PDE4D: variants seen among roughly 807,000 people sequenced by gnomAD.
PDE4D encodes the protein phosphodiesterase 4D.
PDE4D carries 24 observed loss-of-function variants against 87.4 expected under a neutral mutation model. The observed-to-expected ratio is 0.27, with a 90% CI of 0.20 to 0.39. The LOEUF (loss-of-function observed/expected upper bound fraction) is 0.39, where lower values mean the gene tolerates loss of function less well. Ranked by LOEUF, PDE4D falls within the 10% of genes least tolerant of loss-of-function variation. PDE4D has a pLI of 1.00. For synonymous variants in PDE4D, 384 were observed against 383.2 expected (o/e 1.00, Z -0.02); for missense variants, 714 against 1,041.0 (o/e 0.69, Z 4.32).
rs1341651895 is a variant in PDE4D at position 60,518,954 on chromosome 5, C to T, written n.70+3097G>A. Among the ~76,000 whole-genome samples the T allele has an allele frequency of 3.9e-5, 6 of 152,262 alleles. No homozygotes were observed. The South Asian group carries it at 1.0e-3, about 26-fold the overall frequency. ...GCATCCACAGTCACTGGGGAGAAAA[C>T]GTCATCAAAACCCCAAAGCCCAGTG... On this transcript the variant is annotated intron_variant and non_coding_transcript_variant, in intron 1 of 2. Coordinates refer to the PDE4D transcript ENST00000506510.
chr5:60,389,718 G>A (rs1408839948), intron 1 of PDE4D, among the ~76,000 whole-genome samples: 1 of 152,076 alleles, frequency 6.6e-6, no homozygotes, highest in African/African-American at 2.4e-5. Flanking sequence ...CTTTCTATGG[G>A]CTTCTTCACA....
At chr5:60,423,654 C>T (rs1010051635) in intron 1 of PDE4D, among the ~76,000 whole-genome samples, 5 of 151,938 alleles carry the variant, frequency 3.3e-5, no homozygotes, top group African/African-American at 9.7e-5. Context: ...CAAGAGCAAA[C>T]AAATTCAAAA....
chr5:59,882,640 G>A (rs1346631155), intron 1 of PDE4D, among the ~76,000 whole-genome samples: 1 of 151,956 alleles, frequency 6.6e-6, no homozygotes, highest in Non-Finnish European at 1.5e-5. Flanking sequence ...ATTTAATGGG[G>A]CTACATTTTG....
At chr5:59,559,232 G>A (rs1015426306) in intron 1 of PDE4D, among the ~76,000 whole-genome samples, 3 of 152,092 alleles carry the variant, frequency 2.0e-5, no homozygotes, top group Admixed American at 6.6e-5. Context: ...TGCCTTTTGA[G>A]CAAAAATATT....
intron 1 of PDE4D, among the ~76,000 whole-genome samples, chr5:59,757,102 C>T (rs1433138380): frequency 6.6e-6 from 1 of 152,036 alleles, no homozygotes; most frequent in Non-Finnish European, 1.5e-5. Context: ...CCGGCCGGTT[C>T]TTACTTTTTA....
At chr5:59,444,016 T>C (rs1209456370) in intron 1 of PDE4D, among the ~76,000 whole-genome samples, 3 of 152,310 alleles carry the variant, frequency 2.0e-5, no homozygotes, top group East Asian at 1.9e-4. Context: ...CATTAAACTA[T>C]TGAGATCAAA....
At chr5:59,529,659 C>T (rs1196269998) in intron 1 of PDE4D, among the ~76,000 whole-genome samples, 3 of 152,186 alleles carry the variant, frequency 2.0e-5, no homozygotes, top group Admixed American at 2.0e-4. Flanking sequence ...CTATCCTCTT[C>T]ATCCCTCAAC....
At chr5:59,149,164 G>T (rs1239408899) in intron 5 of PDE4D, among the ~76,000 whole-genome samples, 1 of 152,096 alleles carries the variant, frequency 6.6e-6, no homozygotes, top group Non-Finnish European at 1.5e-5. Context: ...TAACTAAGCA[G>T]AAAAGCAAAC....
At chr5:59,173,249 A>G (rs980776771) in intron 5 of PDE4D, among the ~76,000 whole-genome samples, 4 of 152,218 alleles carry the variant, frequency 2.6e-5, no homozygotes, top group African/African-American at 9.6e-5. Context: ...CACTATTCTT[A>G]AAACAAGTCT....
chr5:60,246,316 T>A (rs1452598854), intron 1 of PDE4D, among the ~76,000 whole-genome samples: 1 of 141,966 alleles, frequency 7.0e-6, no homozygotes. Flanking sequence ...CCATGTGGGA[T>A]TCTTTTTGTT....
At chr5:60,022,118 TG>T (rs1327125690) in intron 2 of PDE4D, among the ~76,000 whole-genome samples, 2 of 152,332 alleles carry the variant, frequency 1.3e-5, no homozygotes, top group East Asian at 3.9e-4. Flanking sequence ...CTTCCAGCTG[TG>T]GTTTTGTCAA....
intron 2 of PDE4D, among the ~76,000 whole-genome samples, chr5:60,175,233 T>A (rs988981855): frequency 2.0e-5 from 3 of 152,142 alleles, no homozygotes; most frequent in African/African-American, 7.2e-5. Flanking sequence ...AGACATTTTT[T>A]AATCTCTTTG....
At chr5:59,282,074 T>C (rs1413142111) in intron 1 of PDE4D, among the ~76,000 whole-genome samples, 2 of 152,194 alleles carry the variant, frequency 1.3e-5, no homozygotes, top group Non-Finnish European at 2.9e-5. Context: ...ACTATTTTTT[T>C]TCTGTTTAAA....
At chr5:59,237,085 C>T (rs1756605986) in intron 1 of PDE4D, among the ~76,000 whole-genome samples, 1 of 152,068 alleles carries the variant, frequency 6.6e-6, no homozygotes, top group African/African-American at 2.4e-5. Context: ...AAGTTTTAGA[C>T]CCAACCAATT....
chr5:60,479,986 A>G (rs1748604326), intron 1 of PDE4D, among the ~76,000 whole-genome samples: 1 of 152,186 alleles, frequency 6.6e-6, no homozygotes, highest in African/African-American at 2.4e-5. Context: ...CAAGGGTACT[A>G]GTATAGGCAG....
chr5:59,502,173 G>A (rs1808400362), intron 1 of PDE4D, among the ~76,000 whole-genome samples: 1 of 152,016 alleles, frequency 6.6e-6, no homozygotes, highest in Admixed American at 6.6e-5. Flanking sequence ...GTTTATTATT[G>A]AAAGGTCCTC....
At chr5:60,430,414 G>A (rs978162031) in intron 1 of PDE4D, 1 of 326,698 alleles carries the variant, frequency 3.1e-6, no homozygotes, top group African/African-American at 2.2e-5. Context: ...TTCCCTGAGG[G>A]CCTCGACCCT....
chr5:59,649,710 C>T lies in PDE4D; in HGVS notation c.455+243458G>A, dbSNP rs547692106. Among the ~76,000 whole-genome samples the T allele has an allele frequency of 4.0e-5, 6 of 150,538 alleles. No homozygotes were observed. The East Asian group carries it at 9.8e-4, about 25-fold the overall frequency. ...AACAAAAATGAGGCCTTCACTGAAG[C>T]TTGGGAGTTATATAACACTGATCTA... On this transcript the variant is annotated intron_variant, in intron 1 of 14. Transcript: ENST00000340635.
intron 1 of PDE4D, among the ~76,000 whole-genome samples, chr5:59,306,136 T>C (rs1462745998): frequency 3.3e-5 from 5 of 152,216 alleles, no homozygotes; most frequent in African/African-American, 7.2e-5. Context: ...TTTACCATTA[T>C]ATAATATCCC....
Sources: gnomAD v4.1 joint callset for allele counts (sites outside exome capture counted in the v4.1 genomes callset) on GRCh38, gnomAD v4.1.1 for gene constraint, MANE v1.5 for transcripts, NCBI Gene and HGNC (gene_info 2026-07-23, HGNC 2026-07-21) for gene names.